LMO3: variants seen among roughly 807,000 people sequenced by gnomAD.
LMO3 encodes the protein LIM domain only protein 3.
Under a neutral mutation model 15.8 loss-of-function variants are expected in LMO3, and 2 were observed. The observed-to-expected ratio is 0.13, with a 90% CI of 0.05 to 0.40. The LOEUF is 0.40. Ranked by LOEUF, LMO3 falls within the 10% of genes least tolerant of loss-of-function variation. The pLI, the probability that LMO3 is intolerant of heterozygous loss-of-function variation, is 0.99. For synonymous variants in LMO3, 62 were observed against 63.8 expected (o/e 0.97, Z 0.13); for missense variants, 86 against 182.2 (o/e 0.47, Z 3.04).
intron 2 of LMO3, among the ~76,000 whole-genome samples, chr12:16,562,869 T>C (rs561041251): frequency 6.6e-6 from 1 of 152,338 alleles, no homozygotes; most frequent in South Asian, 2.1e-4. Flanking sequence ...CAGTGTACTT[T>C]CCACTACAAT....
chr12:16,578,544 G>A (rs576675652), intron 2 of LMO3, among the ~76,000 whole-genome samples: 9 of 152,098 alleles, frequency 5.9e-5, no homozygotes, highest in Admixed American at 2.6e-4. Flanking sequence ...TAGGCCGGGC[G>A]CCGTGGCTCA....
intron 2 of LMO3, among the ~76,000 whole-genome samples, chr12:16,575,690 G>A (rs1182667747): frequency 1.3e-5 from 2 of 152,124 alleles, no homozygotes; most frequent in Non-Finnish European, 2.9e-5. Flanking sequence ...CACACACTGA[G>A]CCATTTAGGA....
chr12:16,610,171 A>G (rs1944095862), upstream of LMO3: 1 of 151,746 alleles, frequency 6.6e-6, no homozygotes, highest in Non-Finnish European at 1.5e-5. Flanking sequence ...TGCATACAAA[A>G]CCTGAGTGGG....
rs1396915441 is a variant in LMO3 at position 16,576,242 on chromosome 12, T to G, written c.207-15704A>C. 6.6e-6 allele frequency among the ~76,000 whole-genome samples: 1 copy of G among 152,126 alleles called. No homozygotes were observed. The highest frequency in any genetic ancestry group is 1.5e-5 in the Non-Finnish European group (1 of 68,022). On this transcript the variant is annotated intron_variant, in intron 2 of 3. Transcript: ENST00000537304. This position sits in a 1 kb window ranked among gnomAD's most constrained non-coding sequence, Gnocchi z 4.1. The stretch of plus-strand genomic sequence containing the variant: ...TTATAACCTTCCATAGCTCCCCTAC[T>G]GTATGCAGGATAGATGCAGGGAAGC...
chr12:16,582,388 G>T lies in LMO3; in HGVS notation c.206+18267C>A, dbSNP rs1026495797. Among the ~76,000 whole-genome samples, 1 of 152,086 alleles carries T rather than the reference G, an allele frequency of 6.6e-6. No homozygotes were observed. Among genetic ancestry groups the T allele is most frequent in the Admixed American group, 6.6e-5 (1 of 15,266 alleles). On this transcript the variant is annotated intron_variant, in intron 2 of 3. Coordinates refer to ENST00000537304, the MANE Select transcript of LMO3 (RefSeq NM_018640.5). The surrounding 1 kb of genome is among the most constrained non-coding windows in gnomAD (Gnocchi z 4.1). ...CAGACTATTTGCTAATATCTTTCAA[G>T]TTTTTGTATCTGTATGCAAAAATAG...
Position 16,582,240 on chromosome 12 carries a change from T to C in LMO3, c.206+18415A>G, listed in dbSNP as rs1299378531. Among the ~76,000 whole-genome samples, 4 of 152,206 alleles carry C rather than the reference T, an allele frequency of 2.6e-5. No homozygotes were observed. Among genetic ancestry groups the C allele is most frequent in the Non-Finnish European group, 5.9e-5 (4 of 68,026 alleles). On this transcript the variant is annotated intron_variant, in intron 2 of 3. Transcript: ENST00000537304. The surrounding 1 kb of genome is among the most constrained non-coding windows in gnomAD (Gnocchi z 4.1). Reference sequence around the variant, plus strand: ...TTTTTGGTACAGACTGCCATAACTATGGTGTTTCTTCCTCCAGTTTGATAA... The same window carrying C: ...TTTTTGGTACAGACTGCCATAACTACGGTGTTTCTTCCTCCAGTTTGATAA...
intron 3 of LMO3, among the ~76,000 whole-genome samples, chr12:16,554,708 G>T (rs1190953715): frequency 6.6e-6 from 1 of 151,970 alleles, no homozygotes; most frequent in African/African-American, 2.4e-5. Context: ...TCTTGAAATG[G>T]GCCTGACTCC....
rs995420143 is a variant in LMO3, at chr12:16,591,633, C to T, written c.206+9022G>A. Among the ~76,000 whole-genome samples the T allele has an allele frequency of 6.6e-6, 1 of 151,922 alleles. No homozygotes were observed. The highest frequency in any genetic ancestry group is 2.4e-5 in the African/African-American group (1 of 41,378). ...AATGGGAATGGGGATGATTGTTTTG[C>T]AAGAGGTATCAATTGTACAAGGAAA... On this transcript the variant is annotated intron_variant, in intron 2 of 3. Transcript: ENST00000537304. This position sits in a 1 kb window ranked among gnomAD's most constrained non-coding sequence, Gnocchi z 4.1.
In LMO3 at chr12:16,582,274, A is replaced by G. The variant is rs1456082608; in HGVS notation, c.206+18381T>C. 6.6e-6 allele frequency among the ~76,000 whole-genome samples: 1 copy of G among 152,236 alleles called. No individual in the cohort carries two copies. The highest frequency in any genetic ancestry group is 1.5e-5 in the Non-Finnish European group (1 of 68,042). On this transcript the variant is annotated intron_variant, in intron 2 of 3. Coordinates refer to ENST00000537304, the MANE Select transcript of LMO3 (RefSeq NM_018640.5). The surrounding 1 kb of genome is among the most constrained non-coding windows in gnomAD (Gnocchi z 4.1). ...TTCCTCCAGTTTGATAATACAATGAATTAGATTGAGATATGTCCTGGTGTT... is the reference window on the plus strand; with the variant it reads ...TTCCTCCAGTTTGATAATACAATGAGTTAGATTGAGATATGTCCTGGTGTT...
At chr12:16,567,818 C>T (rs767490364) in intron 2 of LMO3, among the ~76,000 whole-genome samples, 5 of 152,040 alleles carry the variant, frequency 3.3e-5, no homozygotes, top group Non-Finnish European at 7.4e-5. Flanking sequence ...AAACTCCACA[C>T]TTCCTTCAAT....
In LMO3 at chr12:16,603,397, A is replaced by G. The variant is rs1943888503; in HGVS notation, c.-8-2529T>C. On this transcript the variant is annotated intron_variant, in intron 1 of 3. Transcript: ENST00000537304. This position sits in a 1 kb window ranked among gnomAD's most constrained non-coding sequence, Gnocchi z 4.9. ...CCATGTTACCGTGTACTTAAAAGGC[A>G]TAAAGCAGTCAGCAGTCTCCCCTCT... is the stretch of plus-strand genomic sequence containing the variant. Among the ~76,000 whole-genome samples the G allele has an allele frequency of 6.6e-6, 1 of 152,194 alleles. No individual in the cohort carries two copies.
chr12:16,566,041 A>ATAT (rs1942599289), intron 2 of LMO3, among the ~76,000 whole-genome samples: 1 of 90,764 alleles, frequency 1.1e-5, no homozygotes, highest in African/African-American at 4.0e-5. Flanking sequence ...TATATATATA[A>ATAT]AATGGAGTAC....
Position 16,582,099 on chromosome 12 carries a change from G to C in LMO3, c.206+18556C>G, listed in dbSNP as rs1241609677. Among the ~76,000 whole-genome samples, 4 of 152,060 alleles carry C rather than the reference G, an allele frequency of 2.6e-5. No individual in the cohort carries two copies. Among genetic ancestry groups the C allele is most frequent in the Non-Finnish European group, 5.9e-5 (4 of 67,986 alleles). On this transcript the variant is annotated intron_variant, in intron 2 of 3. Transcript: ENST00000537304. This position sits in a 1 kb window ranked among gnomAD's most constrained non-coding sequence, Gnocchi z 4.1. ...TTAATGGAAATTACTTTAGTATTTA[G>C]CTGTTTTATAAATTTGCAGTTAGGT...
At chr12:16,609,531 T>C (rs1176582395), upstream of LMO3, among the ~76,000 whole-genome samples, 1 of 152,092 alleles carries the variant, frequency 6.6e-6, no homozygotes, top group East Asian at 1.9e-4. Context: ...GTGCCCTCTT[T>C]CTGCAACTCA....
chr12:16,551,354 TGG>T, intron 3 of LMO3, 27 bp from the exon 4 acceptor site: 1 of 1,323,904 alleles, frequency 7.6e-7, no homozygotes, highest in Non-Finnish European at 1.1e-6. Context: ...CAATAAAATG[TGG>T]TTAAGACCAT....
chr12:16,584,209 C>A lies in LMO3; in HGVS notation c.206+16446G>T, dbSNP rs1943249352. On this transcript the variant is annotated intron_variant, in intron 2 of 3. Coordinates refer to ENST00000537304, the MANE Select transcript of LMO3 (RefSeq NM_018640.5). The surrounding 1 kb of genome is among the most constrained non-coding windows in gnomAD (Gnocchi z 5.2). ...GATGTACGAGTTTTGTTGGAGGATGCATTTTTTAGTAGTGAGTGGGGAGAG... is the reference window on the plus strand; with the variant it reads ...GATGTACGAGTTTTGTTGGAGGATGAATTTTTTAGTAGTGAGTGGGGAGAG... Among the ~76,000 whole-genome samples, 1 of 152,012 alleles carries A rather than the reference C, an allele frequency of 6.6e-6. No homozygotes were observed. The highest frequency in any genetic ancestry group is 1.5e-5 in the Non-Finnish European group (1 of 68,008).
chr12:16,562,083 AG>A lies in LMO3; in HGVS notation c.207-1546del, dbSNP rs1661675258. 2.0e-5 allele frequency among the ~76,000 whole-genome samples: 3 copies of A among 152,214 alleles called. No homozygotes were observed. The South Asian group carries it at 6.2e-4, about 32-fold the overall frequency. On this transcript the variant is annotated intron_variant, in intron 2 of 3. Coordinates refer to ENST00000537304, the MANE Select transcript of LMO3 (RefSeq NM_018640.5). ...TTTGATAAATAATATTTATTTAAAA[AG>A]AAAGAACTTGCTCGAAAATGTAATA...
At chr12:16,605,131 G>A (rs1943946360) in intron 1 of LMO3, 26 of 1,407,534 alleles carry the variant, frequency 1.8e-5, no homozygotes, top group Non-Finnish European at 2.3e-5. Context: ...CTCGCAGTGT[G>A]CAAAATGATG....
intron 1 of LMO3, 195 bp downstream of exon 1, chr12:16,605,871 T>G: frequency 6.6e-7 from 1 of 1,513,140 alleles, no homozygotes; most frequent in African/African-American, 1.4e-5. Context: ...TCACATGATT[T>G]AAACAAAACC....
Sources: allele counts gnomAD v4.1 joint callset (sites outside exome capture counted in the v4.1 genomes callset), GRCh38; gene constraint gnomAD v4.1.1; non-coding constraint Gnocchi (gnomAD v3.1); transcripts MANE v1.5; gene names NCBI Gene and HGNC (gene_info 2026-07-23, HGNC 2026-07-21).